The following NME7 variants were observed in gnomAD, a reference collection of about 807,000 sequenced individuals.
NME7 encodes NME/NM23 family member 7, also known as nucleoside diphosphate kinase 7.
Under a neutral mutation model 49.1 loss-of-function variants are expected in NME7, and 41 were observed. The ratio of observed to expected loss-of-function variants is 0.83; its 90% CI spans 0.65 to 1.08. The LOEUF (loss-of-function observed/expected upper bound fraction) is 1.08. NME7 is among the 50% of genes least tolerant of loss of function. The pLI, the probability that NME7 is intolerant of heterozygous loss-of-function variation, is 0.00. For missense variants in NME7, 423 were observed against 463.4 expected, an observed-to-expected ratio of 0.91 and a Z score of 0.80; for synonymous variants, 139 against 150.6, an observed-to-expected ratio of 0.92 and a Z score of 0.56.
chr1:169,270,635 G>A (rs1186061247), intron 7 of NME7, among the ~76,000 whole-genome samples: 1 of 133,862 alleles, frequency 7.5e-6, no homozygotes, highest in East Asian at 2.0e-4. Flanking sequence ...GGCAGCAGCA[G>A]TAGTAGTAGT....
intron 11 of NME7, among the ~76,000 whole-genome samples, chr1:169,140,456 T>G (rs1658557193): frequency 6.6e-6 from 1 of 152,156 alleles, no homozygotes; most frequent in South Asian, 2.1e-4. Flanking sequence ...GCATGTAAGT[T>G]TCTGGGTGAA....
intron 1 of NME7, among the ~76,000 whole-genome samples, chr1:169,347,117 A>G (rs1179012771): frequency 5.3e-5 from 8 of 152,212 alleles, no homozygotes. Flanking sequence ...AGGCTGAGGC[A>G]CGAAGATCAC....
At chr1:169,132,897 A>G (rs1228055586) in intron 11 of NME7, 80 bp from the exon 12 acceptor site, 3 of 1,117,420 alleles carry the variant, frequency 2.7e-6, no homozygotes, top group African/African-American at 3.1e-5. Context: ...GAGGTTGGTC[A>G]GGACTTCAGA....
At chr1:169,351,450 G>GCT (rs1176499574) in intron 1 of NME7, among the ~76,000 whole-genome samples, 3 of 151,764 alleles carry the variant, frequency 2.0e-5, no homozygotes, top group African/African-American at 7.2e-5. Flanking sequence ...GAAATTTATA[G>GCT]CTCTAAGTGC....
chr1:169,284,680 T>C (rs1432185349), intron 7 of NME7: 1 of 152,200 alleles, frequency 6.6e-6, no homozygotes, highest in Admixed American at 6.5e-5. Context: ...CTGAATGCTA[T>C]TGACTAGATT....
intron 7 of NME7, among the ~76,000 whole-genome samples, chr1:169,250,854 G>A (rs903285351): frequency 4.6e-5 from 7 of 151,990 alleles, no homozygotes; most frequent in Admixed American, 3.9e-4. Context: ...ATAACATTTC[G>A]ATTTTTAAAA....
intron 10 of NME7, among the ~76,000 whole-genome samples, chr1:169,199,843 T>C (rs1660498512): frequency 6.6e-6 from 1 of 152,042 alleles, no homozygotes. Flanking sequence ...AATCATTTAG[T>C]TTGATGACAA....
intron 6 of NME7, among the ~76,000 whole-genome samples, chr1:169,293,557 C>G (rs1024830769): frequency 6.6e-6 from 1 of 152,088 alleles, no homozygotes; most frequent in African/African-American, 2.4e-5. Context: ...TTACCTACTC[C>G]CATGCTAATA....
intron 7 of NME7, among the ~76,000 whole-genome samples, chr1:169,251,774 T>C (rs1474039428): frequency 2.1e-5 from 3 of 145,564 alleles, no homozygotes; most frequent in South Asian, 4.4e-4. Flanking sequence ...TGTGATCTCA[T>C]TGTTCAATTC....
chr1:169,272,918 G>T (rs2101875923), intron 7 of NME7, among the ~76,000 whole-genome samples: 1 of 133,472 alleles, frequency 7.5e-6, no homozygotes, highest in South Asian at 2.3e-4. Flanking sequence ...CAGTAACAGT[G>T]TAAAAGTGTT....
chr1:169,217,794 GC>G (rs1162455695), intron 10 of NME7, among the ~76,000 whole-genome samples: 4 of 152,140 alleles, frequency 2.6e-5, no homozygotes, highest in Non-Finnish European at 5.9e-5. Flanking sequence ...GCATGGTGTA[GC>G]CTTTTTGTGC....
intron 10 of NME7, among the ~76,000 whole-genome samples, chr1:169,221,018 T>G (rs74125214): frequency 0.011 from 1,664 of 152,254 alleles, 41 homozygotes; most frequent in African/African-American, 0.038. Flanking sequence ...CATAATAGAG[T>G]AGAGAGAACT....
At chr1:169,209,002 G>A (rs1660746156) in intron 10 of NME7, among the ~76,000 whole-genome samples, 1 of 152,022 alleles carries the variant, frequency 6.6e-6, no homozygotes, top group Non-Finnish European at 1.5e-5. Context: ...AATCTCCACA[G>A]CAGAACTAAT....
chr1:169,276,995 G>T (rs1649761699), intron 7 of NME7, among the ~76,000 whole-genome samples: 1 of 150,472 alleles, frequency 6.6e-6, no homozygotes, highest in South Asian at 2.2e-4. Flanking sequence ...TAGTTGAGTG[G>T]TTTTGAGTGA....
At chr1:169,359,355 G>C (rs1034803674) in intron 1 of NME7, among the ~76,000 whole-genome samples, 1 of 151,664 alleles carries the variant, frequency 6.6e-6, no homozygotes, top group African/African-American at 2.4e-5. Flanking sequence ...CCCAGGGCTG[G>C]CTGTAGTTCT....
chr1:169,251,294 T>C (rs2101846368), intron 7 of NME7, among the ~76,000 whole-genome samples: 1 of 152,248 alleles, frequency 6.6e-6, no homozygotes, highest in South Asian at 2.1e-4. Flanking sequence ...GACTACCTAC[T>C]CCTGCTCACT....
At chr1:169,289,936 A>C (rs763398191) in intron 6 of NME7, among the ~76,000 whole-genome samples, 1 of 152,032 alleles carries the variant, frequency 6.6e-6, no homozygotes, top group East Asian at 1.9e-4. Context: ...TATTTTGTAT[A>C]AAGATCCTGT....
chr1:169,327,685 A>G (rs1250292526), intron 1 of NME7, among the ~76,000 whole-genome samples: 1 of 152,218 alleles, frequency 6.6e-6, no homozygotes, highest in Non-Finnish European at 1.5e-5. Context: ...TAAAATTCAT[A>G]TAAGTTTTAT....
At chr1:169,179,007 G>T (rs138048489) in intron 10 of NME7, among the ~76,000 whole-genome samples, 2,197 of 152,106 alleles carry the variant, frequency 0.014, 47 homozygotes, top group African/African-American at 0.048. Flanking sequence ...TTTTAGTAGA[G>T]ATGGGGTTTC....
Sources: gnomAD v4.1 joint callset for allele counts (sites outside exome capture counted in the v4.1 genomes callset) on GRCh38, gnomAD v4.1.1 for gene constraint, MANE v1.5 for transcripts, NCBI Gene and HGNC (gene_info 2026-07-23, HGNC 2026-07-21) for gene names.